The following RBFOX3 variants were observed in gnomAD, a reference collection of about 807,000 sequenced individuals.
RBFOX3 encodes the protein RNA binding protein fox-1 homolog 3.
RBFOX3 carries 17 observed loss-of-function variants against 48.7 expected under a neutral mutation model. The ratio of observed to expected loss-of-function variants is 0.35; its 90% confidence interval spans 0.24 to 0.52. The LOEUF (loss-of-function observed/expected upper bound fraction) is 0.52. Ranked by LOEUF, RBFOX3 falls within the 20% of genes least tolerant of loss-of-function variation. The probability of loss-of-function intolerance (pLI) is 0.94; values close to 1 mark genes in which losing one functional copy is unlikely to be tolerated. For missense variants in RBFOX3, 382 were observed against 497.5 expected (o/e 0.77, Z 2.21); for synonymous variants, 212 against 209.5 (o/e 1.01, Z -0.10).
intron 3 of RBFOX3, among the ~76,000 whole-genome samples, chr17:79,306,258 A>G (rs2076077835): frequency 6.6e-6 from 1 of 152,242 alleles, no homozygotes; most frequent in Non-Finnish European, 1.5e-5. Flanking sequence ...AATGGCGGAA[A>G]ATAAACGAGA....
At chr17:79,180,883 C>T (rs969808980) in intron 4 of RBFOX3, among the ~76,000 whole-genome samples, 3 of 152,104 alleles carry the variant, frequency 2.0e-5, no homozygotes, top group African/African-American at 4.8e-5. Flanking sequence ...AGGGACAATT[C>T]GGGATGGCTA....
chr17:79,402,538 G>C (rs1215832584), intron 2 of RBFOX3, among the ~76,000 whole-genome samples: 3 of 152,206 alleles, frequency 2.0e-5, no homozygotes, highest in African/African-American at 7.2e-5. Flanking sequence ...AGTGAGCGCA[G>C]GGGGCCCCGC....
At chr17:79,326,249 G>A (rs1052055551) in intron 2 of RBFOX3, among the ~76,000 whole-genome samples, 6 of 152,096 alleles carry the variant, frequency 3.9e-5, no homozygotes, top group Admixed American at 1.3e-4. Flanking sequence ...AGCGTCTCCC[G>A]TCACACCACT....
chr17:79,494,339 C>T (rs2081133548), intron 1 of RBFOX3, among the ~76,000 whole-genome samples: 1 of 152,138 alleles, frequency 6.6e-6, no homozygotes, highest in Admixed American at 6.5e-5. Context: ...CTGACTGTCC[C>T]CCTCCACCCT....
intron 1 of RBFOX3, among the ~76,000 whole-genome samples, chr17:79,595,224 T>A (rs2093536980): frequency 6.6e-6 from 1 of 151,768 alleles, no homozygotes; most frequent in Admixed American, 6.6e-5. Context: ...AAGGTCAAGC[T>A]TGCCAGAAAG....
intron 4 of RBFOX3, among the ~76,000 whole-genome samples, chr17:79,145,320 C>T (rs1299772365): frequency 1.3e-5 from 2 of 152,158 alleles, no homozygotes; most frequent in East Asian, 3.9e-4. Flanking sequence ...AAATAAGTTC[C>T]CGATGTGCGT....
chr17:79,158,500 C>T (rs982698499), intron 4 of RBFOX3, among the ~76,000 whole-genome samples: 4 of 152,114 alleles, frequency 2.6e-5, no homozygotes, highest in Admixed American at 6.5e-5. Context: ...ACTCAGAGGC[C>T]GGGGACACTG....
intron 14 of RBFOX3, among the ~76,000 whole-genome samples, chr17:79,091,689 T>G (rs1044630036): frequency 6.6e-5 from 10 of 152,150 alleles, no homozygotes; most frequent in Admixed American, 1.3e-4. Context: ...TGAGGACCCC[T>G]CCTTCCGGAA....
chr17:79,097,959 T>G (rs1257452031), intron 9 of RBFOX3: 1 of 585,912 alleles, frequency 1.7e-6, no homozygotes. Context: ...CCTGGGGGTC[T>G]GCTAGGATTC....
chr17:79,513,840 G>A lies in RBFOX3; in HGVS notation c.-319-31242C>T, dbSNP rs1009870231. On this transcript the variant is annotated intron_variant, in intron 1 of 14. Coordinates refer to ENST00000693108, the MANE Select transcript of RBFOX3 (RefSeq NM_001350451.2). ...GTGGTTCCTGGGTCTATGGGGGCCC[G>A]CGTGCCCTAGTGGGCCTCTGTGGTT... Among the ~76,000 whole-genome samples, 21 of 152,284 alleles carry A rather than the reference G, an allele frequency of 1.4e-4. 1 individual carries two copies. The highest frequency in any genetic ancestry group is 1.2e-4 in the African/African-American group (5 of 41,556).
In RBFOX3 at chr17:79,187,775, A is replaced by G. The variant is rs536390619; in HGVS notation, c.-34+47991T>C. 3.9e-5 allele frequency among the ~76,000 whole-genome samples: 6 copies of G among 152,104 alleles called. No homozygotes were observed. The South Asian group carries it at 1.2e-3, about 32-fold the overall frequency. On this transcript the variant is annotated intron_variant, in intron 4 of 14. Transcript: ENST00000693108. ...GGGTTGGAGTCAGGGAGAAGCCCCC[A>G]CTCAGGCTTTCATGGGATGCCCCCA...
chr17:79,238,188 C>T (rs1052783464), intron 3 of RBFOX3, among the ~76,000 whole-genome samples: 1 of 152,214 alleles, frequency 6.6e-6, no homozygotes, highest in Non-Finnish European at 1.5e-5. Flanking sequence ...CCACCTGCCT[C>T]GGCCTCCCAG....
At chr17:79,656,741 A>G in the RBFOX3 span, among the ~76,000 whole-genome samples, 5 of 91,994 alleles carry the variant, frequency 5.4e-5, no homozygotes, top group Admixed American at 1.3e-4. Flanking sequence ...AAGAAAAGAA[A>G]GAAAGAAAGA....
chr17:79,628,392 A>G, the RBFOX3 span, among the ~76,000 whole-genome samples: 1 of 152,152 alleles, frequency 6.6e-6, no homozygotes, highest in Non-Finnish European at 1.5e-5. Context: ...CTGAGATCTT[A>G]GGGCTAACAC....
chr17:79,486,118 C>T (rs1045030617), intron 1 of RBFOX3, among the ~76,000 whole-genome samples: 4 of 152,196 alleles, frequency 2.6e-5, no homozygotes, highest in Admixed American at 6.5e-5. Flanking sequence ...CGGTGGGAGG[C>T]AAAAGGCCCA....
Position 79,335,960 on chromosome 17 carries a change from G to A in RBFOX3, c.-174-28136C>T, listed in dbSNP as rs540291377. 3.3e-5 allele frequency among the ~76,000 whole-genome samples: 5 copies of A among 152,276 alleles called. No individual in the cohort carries two copies. The South Asian group carries it at 6.2e-4, about 19-fold the overall frequency. On this transcript the variant is annotated intron_variant, in intron 2 of 14. Transcript: ENST00000693108. ...TGGGTTTCTACAGAAAAGAAAACTC[G>A]CTGTTTCTCACACCTGCCGGTCTGC...
At chr17:79,526,129 C>T (rs1219105618) in intron 1 of RBFOX3, among the ~76,000 whole-genome samples, 5 of 152,340 alleles carry the variant, frequency 3.3e-5, no homozygotes, top group South Asian at 2.1e-4. Context: ...CTGGAGGTGA[C>T]GCCAACACTG....
intron 2 of RBFOX3, among the ~76,000 whole-genome samples, chr17:79,335,998 G>A (rs2081133719): frequency 2.0e-5 from 3 of 152,190 alleles, no homozygotes; most frequent in East Asian, 1.9e-4. Context: ...GCGCCGCTTC[G>A]TAGACACCGC....
At chr17:79,577,286 G>T (rs1169406540) in intron 1 of RBFOX3, among the ~76,000 whole-genome samples, 1 of 152,194 alleles carries the variant, frequency 6.6e-6, no homozygotes, top group African/African-American at 2.4e-5. Context: ...GGAGAACCTG[G>T]TGGGGTGCAG....
Sources: allele counts gnomAD v4.1 joint callset (sites outside exome capture counted in the v4.1 genomes callset), GRCh38; gene constraint gnomAD v4.1.1; transcripts MANE v1.5; gene names NCBI Gene and HGNC (gene_info 2026-07-23, HGNC 2026-07-21).